Variants in PEX5 observed in about 807,000 individuals in gnomAD.
The protein encoded by PEX5 is peroxisomal biogenesis factor 5.
Under a neutral mutation model 82.9 loss-of-function variants are expected in PEX5, and 52 were observed. The observed-to-expected ratio is 0.63, with a 90% CI of 0.50 to 0.79. The LOEUF is 0.79. Ranked by LOEUF, PEX5 falls within the 30% of genes least tolerant of loss-of-function variation. The probability of loss-of-function intolerance (pLI) is 0.00; values close to 1 mark genes in which losing one functional copy is unlikely to be tolerated. For missense variants in PEX5, 719 were observed against 815.2 expected (o/e 0.88, Z 1.44); for synonymous variants, 300 against 318.8 (o/e 0.94, Z 0.63).
chr12:7,208,889 T>G (rs1012432716), intron 13 of PEX5, 116 bp from the exon 14 acceptor site: 2 of 1,032,016 alleles, frequency 1.9e-6, no homozygotes, highest in Admixed American at 1.7e-5. Flanking sequence ...GTAGAAGAGA[T>G]GACTGATAGA....
At chr12:7,214,736 A>C (rs1945730534), downstream of PEX5, among the ~76,000 whole-genome samples, 1 of 77,328 alleles carries the variant, frequency 1.3e-5, no homozygotes, top group African/African-American at 5.3e-5. Context: ...ATAAAAAAAG[A>C]ATTATTCTCT....
At chr12:7,202,026 T>C in intron 7 of PEX5, 185 bp downstream of exon 7, 1 of 776,632 alleles carries the variant, frequency 1.3e-6, no homozygotes. Flanking sequence ...CTCATCTCCT[T>C]GCCTACTAAC....
At position 7,201,825 on chromosome 12, in the gene PEX5, A is replaced by C. The variant is rs748132358; in HGVS notation, c.626A>C (p.Lys209Thr). The change falls in exon 7 of 16, where the codon AAA becomes ACA. Residue 209 changes from lysine to threonine, a missense_variant. By Grantham distance (78) the Lys-to-Thr change is moderately conservative. Transcript: ENST00000675855. ...TTTGTGGCCAAAGTGGATGACCCCA[A>C]ATTGGCTAATTCTGAGGTGAGCCAC... The part of the protein sequence containing the change: ...SDFVAKVDDP[K>T]LANSEFLKFV... The C allele has an allele frequency of 2.5e-6, 4 of 1,612,596 alleles. No homozygotes were observed. The highest frequency in any genetic ancestry group is 1.1e-5 in the South Asian group (1 of 91,042).
chr12:7,200,733 T>TA (rs1943757415), intron 6 of PEX5, among the ~76,000 whole-genome samples: 1 of 151,892 alleles, frequency 6.6e-6, no homozygotes, highest in Non-Finnish European at 1.5e-5. Flanking sequence ...ACCAAAAAAA[T>TA]ACGAAAACCA....
intron 1 of PEX5, 199 bp from the exon 2 acceptor site, chr12:7,190,163 C>T: frequency 6.7e-7 from 1 of 1,496,686 alleles, no homozygotes; most frequent in Non-Finnish European, 8.9e-7. Flanking sequence ...AAGCGGTGGC[C>T]TTTGAGGGGG....
At chr12:7,191,955 C>G (rs1196711911) in intron 5 of PEX5, among the ~76,000 whole-genome samples, 1 of 152,168 alleles carries the variant, frequency 6.6e-6, no homozygotes, top group Non-Finnish European at 1.5e-5. Flanking sequence ...TACTTTATCA[C>G]TGTGGTTTAG....
intron 10 of PEX5, among the ~76,000 whole-genome samples, chr12:7,205,620 G>T (rs1944669081): frequency 1.3e-5 from 2 of 152,220 alleles, no homozygotes; most frequent in Admixed American, 1.3e-4. Context: ...GGCTTTTCAG[G>T]ATGTAACAGT....
At chr12:7,199,722 C>T (rs1234042728) in intron 6 of PEX5, among the ~76,000 whole-genome samples, 1 of 150,938 alleles carries the variant, frequency 6.6e-6, no homozygotes, top group Non-Finnish European at 1.5e-5. Flanking sequence ...CTATTGGGTA[C>T]ACCTCCCAGA....
chr12:7,192,859 A>G (rs1224597820), intron 5 of PEX5, among the ~76,000 whole-genome samples: 2 of 152,226 alleles, frequency 1.3e-5, no homozygotes, highest in Non-Finnish European at 2.9e-5. Context: ...CCCGAAGCCT[A>G]TCTGATCAGG....
In PEX5 at chr12:7,199,062, C is replaced by T; in HGVS notation, c.500C>T (p.Ser167Leu). 6.2e-7 allele frequency: 1 copy of T among 1,610,622 alleles called. No individual in the cohort carries two copies. The change falls in exon 6 of 16, where the codon TCA becomes TTA. Residue 167 changes from serine (S) to leucine (L), a missense_variant. Transcript: ENST00000675855. ...TGGGCTGAGGAATATTTGGAGCAAT[C>T]AGAGGAGAAGCTGTGGCTGGGAGAA... ...ARWAEEYLEQ[S>L]EEKLWLGEPE...
chr12:7,190,365 G>A lies in PEX5; in HGVS notation c.-13G>A, dbSNP rs1940781226. ...CCAAACCTCCTGTGTCCATCAGAGA[G>A]CTGGCGGTCACCATGGCAATGCGGG... On this transcript the variant is annotated 5_prime_UTR_variant, in exon 2 of 16. Coordinates refer to ENST00000675855, the MANE Select transcript of PEX5 (RefSeq NM_001351132.2). 1 of 1,614,058 alleles carries A rather than the reference G, an allele frequency of 6.2e-7. No homozygotes were observed. The highest frequency in any genetic ancestry group is 8.5e-7 in the Non-Finnish European group (1 of 1,180,034).
chr12:7,196,338 A>G, intron 5 of PEX5, among the ~76,000 whole-genome samples: 1 of 134,722 alleles, frequency 7.4e-6, no homozygotes, highest in Non-Finnish European at 1.5e-5. Flanking sequence ...TAATTTATAT[A>G]TGTCATATAT....
At position 7,191,656 on chromosome 12, in the gene PEX5, A is replaced by T. The variant is rs1385787688; in HGVS notation, c.404A>T (p.Tyr135Phe). ...AGDAVDVTQDYNETDWSQEFI... is the reference protein window; with the variant it reads ...AGDAVDVTQDFNETDWSQEFI... ...GATGCTGTGGATGTAACTCAGGATT[A>T]TAATGAGACTGACTGGTCCCAAGAA... The change falls in exon 5 of 16, where the codon TAT becomes TTT. Residue 135 changes from tyrosine to phenylalanine, a missense_variant. Physicochemically the swap from Tyr to Phe is conservative, Grantham distance 22. Coordinates refer to ENST00000675855, the MANE Select transcript of PEX5 (RefSeq NM_001351132.2). 2 of 1,613,786 alleles carry T rather than the reference A, an allele frequency of 1.2e-6. No individual in the cohort carries two copies. Among genetic ancestry groups the T allele is most frequent in the Admixed American group, 3.3e-5 (2 of 60,008 alleles).
upstream of PEX5, chr12:7,189,661 G>A (rs1234140864): frequency 1.1e-5 from 4 of 349,394 alleles, no homozygotes; most frequent in African/African-American, 8.6e-5. Flanking sequence ...TTAAGCCTGA[G>A]CCCCGCCCCC....
chr12:7,191,839 T>C, intron 5 of PEX5, 139 bp downstream of exon 5: 1 of 796,126 alleles, frequency 1.3e-6, no homozygotes, highest in Non-Finnish European at 2.2e-6. Context: ...CTGAACTCAA[T>C]TTCCCTTAGG....
At chr12:7,190,083 G>A (rs1591638708) in intron 1 of PEX5, 10 of 1,495,762 alleles carry the variant, frequency 6.7e-6, no homozygotes, top group Non-Finnish European at 8.8e-6. Context: ...AGGCCCCTTT[G>A]TGGAGGCAGC....
rs866296157 is a variant in PEX5 at position 7,200,046 on chromosome 12, C to T, written c.551+933C>T. 8.6e-3 allele frequency among the ~76,000 whole-genome samples: 496 copies of T among 57,450 alleles called. 3 individuals are homozygous for T. Among genetic ancestry groups the T allele is most frequent in the Admixed American group, 0.018 (58 of 3,308 alleles). 37.7% of individuals were successfully genotyped at this position (57,450 alleles called of 152,430 possible). On this transcript the variant is annotated intron_variant, in intron 6 of 15. Transcript: ENST00000675855. ...GGCTGACCCGCACCTCCCTCCCGGA[C>T]GGGGCGGCTGGCCGGGCGGGGGGCT...
rs948730081 is a variant in PEX5 at position 7,189,835 on chromosome 12, G to A, written c.-17+85G>A. On this transcript the variant is annotated intron_variant, in intron 1 of 15. Transcript: ENST00000675855. ...GGTGGCCTCGCGGGTCCCAGGGGCG[G>A]GGCTGGAGCGGCAGCAGGGCCGGGG... 11 of 1,148,552 alleles carry A rather than the reference G, an allele frequency of 9.6e-6. No individual in the cohort carries two copies. In the African/African-American group the frequency reaches 1.8e-4, roughly 19 times the overall value. 71.1% of individuals were successfully genotyped at this position (1,148,552 alleles called of 1,614,324 possible). A position where few individuals can be genotyped will look rare whatever the true frequency, so the allele number is the denominator to read the frequency against.
At chr12:7,194,049 C>CTTT (rs1411785241) in intron 5 of PEX5, among the ~76,000 whole-genome samples, 1 of 152,118 alleles carries the variant, frequency 6.6e-6, no homozygotes, top group Non-Finnish European at 1.5e-5. Context: ...GGAGAAAAAG[C>CTTT]TAAAGGAAAG....
Sources: gnomAD v4.1 joint callset for allele counts (sites outside exome capture counted in the v4.1 genomes callset) on GRCh38, gnomAD v4.1.1 for gene constraint, MANE v1.5 for transcripts, NCBI Gene and HGNC (gene_info 2026-07-23, HGNC 2026-07-21) for gene names.